Variants in NTM observed in about 807,000 individuals in gnomAD.
NTM encodes the protein neurotrimin.
In NTM, 13 loss-of-function variants were observed where a neutral mutation model predicts 42.1. The observed-to-expected ratio is 0.31, with a 90% CI of 0.20 to 0.49. The LOEUF (loss-of-function observed/expected upper bound fraction) is 0.49, where lower values mean the gene tolerates loss of function less well. Among genes scored for constraint, NTM ranks in the 20% least tolerant of loss-of-function variants. NTM has a pLI of 0.99. For synonymous variants in NTM, 187 were observed against 179.2 expected, an observed-to-expected ratio of 1.04 and a Z score of -0.35; for missense variants, 373 against 452.8, an observed-to-expected ratio of 0.82 and a Z score of 1.60.
intron 1 of NTM, among the ~76,000 whole-genome samples, chr11:131,709,411 A>G (rs1296091793): frequency 6.6e-6 from 1 of 152,226 alleles, no homozygotes; most frequent in Non-Finnish European, 1.5e-5. Context: ...CAATAATGCA[A>G]GAAATAAATG....
intron 1 of NTM, among the ~76,000 whole-genome samples, chr11:131,472,760 T>A (rs1319107590): frequency 6.6e-6 from 1 of 152,094 alleles, no homozygotes; most frequent in Non-Finnish European, 1.5e-5. Context: ...GTATTTAGCA[T>A]ACCCACTTGA....
At chr11:131,882,219 A>G (rs1189286363) in intron 1 of NTM, among the ~76,000 whole-genome samples, 1 of 152,240 alleles carries the variant, frequency 6.6e-6, no homozygotes, top group Non-Finnish European at 1.5e-5. Context: ...TATGTGAAAG[A>G]GCGAGATTTG....
intron 4 of NTM, among the ~76,000 whole-genome samples, chr11:132,259,669 G>A (rs977408016): frequency 1.4e-4 from 22 of 152,034 alleles, no homozygotes; most frequent in African/African-American, 5.1e-4. Flanking sequence ...GACAGAGTGA[G>A]ACTCCATCTC....
At chr11:132,254,615 C>A (rs1375657235) in intron 4 of NTM, among the ~76,000 whole-genome samples, 1 of 152,062 alleles carries the variant, frequency 6.6e-6, no homozygotes, top group Non-Finnish European at 1.5e-5. Context: ...GTATATTTTT[C>A]TTCTCCAATG....
At chr11:131,705,996 TTAAATG>T (rs1443432695) in intron 1 of NTM, among the ~76,000 whole-genome samples, 4 of 152,026 alleles carry the variant, frequency 2.6e-5, no homozygotes, top group Admixed American at 2.6e-4. Flanking sequence ...AATAATTACT[TTAAATG>T]TAAATGGATT....
chr11:132,115,425 A>G (rs2063747217), intron 2 of NTM, among the ~76,000 whole-genome samples: 1 of 152,230 alleles, frequency 6.6e-6, no homozygotes, highest in African/African-American at 2.4e-5. Flanking sequence ...TGCACAACTT[A>G]AATATATACA....
rs148392219 is a variant in NTM at position 132,116,907 on chromosome 11, A to G, written c.168-29375A>G. 2.6e-5 allele frequency among the ~76,000 whole-genome samples: 4 copies of G among 152,114 alleles called. No homozygotes were observed. The East Asian group carries it at 7.7e-4, about 29-fold the overall frequency. ...ATATAGGTGTAGGGAAGAAAGAACA[A>G]TTCTGCAAGGAGCCCAGGTCGAAGA... On this transcript the variant is annotated intron_variant, in intron 2 of 8. Transcript: ENST00000683400.
chr11:131,833,129 C>A (rs2043033284), intron 1 of NTM, among the ~76,000 whole-genome samples: 1 of 152,148 alleles, frequency 6.6e-6, no homozygotes, highest in African/African-American at 2.4e-5. Context: ...ATGTATCGTT[C>A]TGACCACATA....
chr11:131,849,655 T>C (rs1231145073), intron 1 of NTM, among the ~76,000 whole-genome samples: 1 of 151,878 alleles, frequency 6.6e-6, no homozygotes, highest in African/African-American at 2.4e-5. Context: ...AACTCTGGAA[T>C]CTTTTGAGGA....
At chr11:132,281,808 A>G (rs2093980058) in intron 4 of NTM, among the ~76,000 whole-genome samples, 1 of 152,236 alleles carries the variant, frequency 6.6e-6, no homozygotes, top group South Asian at 2.1e-4. Flanking sequence ...TCTCACAGTT[A>G]TGAGTACTAT....
intron 2 of NTM, among the ~76,000 whole-genome samples, chr11:131,972,203 ACT>A (rs1312222412): frequency 6.6e-6 from 1 of 152,044 alleles, no homozygotes; most frequent in African/African-American, 2.4e-5. Context: ...ACAGAGTAAG[ACT>A]CTGACTCAAA....
chr11:131,951,896 T>G (rs1039818774), intron 2 of NTM, among the ~76,000 whole-genome samples: 32 of 151,770 alleles, frequency 2.1e-4, no homozygotes, highest in African/African-American at 7.3e-4. Context: ...GATGAGAGCT[T>G]TAACCCAAAG....
intron 1 of NTM, among the ~76,000 whole-genome samples, chr11:131,408,321 A>G (rs1011695026): frequency 5.9e-5 from 9 of 152,238 alleles, no homozygotes; most frequent in Non-Finnish European, 8.8e-5. Flanking sequence ...TAAGTTAGAA[A>G]GTGGAAGTAC....
At chr11:131,872,381 G>A (rs1049120527) in intron 1 of NTM, among the ~76,000 whole-genome samples, 3 of 152,182 alleles carry the variant, frequency 2.0e-5, no homozygotes, top group Admixed American at 2.0e-4. Context: ...ATTTCTCAGT[G>A]TCCTTCGTTC....
intron 4 of NTM, among the ~76,000 whole-genome samples, chr11:132,261,647 G>A (rs185315408): frequency 3.7e-4 from 57 of 152,350 alleles, no homozygotes; most frequent in African/African-American, 1.1e-3. Context: ...ACAGAAGGCC[G>A]TGCCAGCACA....
rs147207524 is a variant in NTM at position 132,024,224 on chromosome 11, C to T, written c.167+112576C>T. On this transcript the variant is annotated intron_variant, in intron 2 of 8. Coordinates refer to ENST00000683400, the MANE Select transcript of NTM (RefSeq NM_001352005.2). Reference sequence around the variant, plus strand: ...CTCTCTGCATTTCCCCAAAGACATCCAGGCTGTGCCTTTACCGTCAGCTTG... The same window carrying T: ...CTCTCTGCATTTCCCCAAAGACATCTAGGCTGTGCCTTTACCGTCAGCTTG... Among the ~76,000 whole-genome samples the T allele has an allele frequency of 5.3e-5, 8 of 152,108 alleles. No individual in the cohort carries two copies. In the East Asian group the frequency reaches 1.5e-3, roughly 29 times the overall value.
At chr11:131,455,609 G>A (rs1439068693) in intron 1 of NTM, 1 of 152,366 alleles carries the variant, frequency 6.6e-6, no homozygotes, top group South Asian at 2.1e-4. Flanking sequence ...GTCAAATAGA[G>A]ATTTGCTAAA....
chr11:131,773,060 A>G (rs2086380418), intron 1 of NTM, among the ~76,000 whole-genome samples: 1 of 152,258 alleles, frequency 6.6e-6, no homozygotes, highest in Admixed American at 6.5e-5. Flanking sequence ...AGAACAAAAT[A>G]TCATAGACTG....
intron 4 of NTM, among the ~76,000 whole-genome samples, chr11:132,223,973 G>A (rs148323986): frequency 6.6e-6 from 1 of 152,190 alleles, no homozygotes; most frequent in Non-Finnish European, 1.5e-5. Flanking sequence ...GTTGGGCTGT[G>A]AGCCAAGTGT....
Sources: gnomAD v4.1 joint callset for allele counts (sites outside exome capture counted in the v4.1 genomes callset) on GRCh38, gnomAD v4.1.1 for gene constraint, MANE v1.5 for transcripts, NCBI Gene and HGNC (gene_info 2026-07-23, HGNC 2026-07-21) for gene names.